Variants in PIAS1 observed in about 807,000 individuals in gnomAD.
PIAS1 encodes protein inhibitor of activated STAT 1.
A neutral mutation model predicts 71.3 loss-of-function variants in PIAS1; 6 were observed. The observed-to-expected ratio is 0.08, with a 90% CI of 0.05 to 0.17. The LOEUF (loss-of-function observed/expected upper bound fraction) is 0.17. PIAS1 is among the 10% of genes least tolerant of loss of function. PIAS1 has a pLI of 1.00. For missense variants in PIAS1, 555 were observed against 793.6 expected, an observed-to-expected ratio of 0.70 and a Z score of 3.61; for synonymous variants, 303 against 292.9, an observed-to-expected ratio of 1.03 and a Z score of -0.35.
At chr15:68,082,115 C>CTG (rs2092234855) in intron 1 of PIAS1, among the ~76,000 whole-genome samples, 1 of 152,150 alleles carries the variant, frequency 6.6e-6, no homozygotes, top group Non-Finnish European at 1.5e-5. Context: ...GCCCAGCACT[C>CTG]TGTACTGAGC....
At chr15:68,134,671 G>T (rs58112495) in intron 2 of PIAS1, among the ~76,000 whole-genome samples, 2 of 30,290 alleles carry the variant, frequency 6.6e-5, no homozygotes. Flanking sequence ...GCGGGGGGAT[G>T]ACCCCCCCAC....
chr15:68,164,314 GTTATTC>G (rs1464926343), intron 7 of PIAS1, among the ~76,000 whole-genome samples: 11 of 152,026 alleles, frequency 7.2e-5, no homozygotes, highest in South Asian at 2.1e-4. Flanking sequence ...ATGTATAAAT[GTTATTC>G]TTATTATTAA....
rs373670054 is a variant in PIAS1, at chr15:68,155,620, G to A, written c.934+1925G>A. On this transcript the variant is annotated intron_variant, in intron 7 of 13. Transcript: ENST00000249636. ...TAATAAAATAAGTACTTCTAGCAAAGTTTTAGTAGTCAAGCCAGACACTCT... is the reference window on the plus strand; with the variant it reads ...TAATAAAATAAGTACTTCTAGCAAAATTTTAGTAGTCAAGCCAGACACTCT... Among the ~76,000 whole-genome samples, 7 of 152,224 alleles carry A rather than the reference G, an allele frequency of 4.6e-5. No homozygotes were observed. The East Asian group carries it at 1.4e-3, about 29-fold the overall frequency.
At chr15:68,111,661 T>C (rs1347091633) in intron 2 of PIAS1, among the ~76,000 whole-genome samples, 1 of 152,158 alleles carries the variant, frequency 6.6e-6, no homozygotes, top group African/African-American at 2.4e-5. Flanking sequence ...AATAAATGCA[T>C]AGATAATATT....
At chr15:68,077,394 T>C (rs2092178896) in intron 1 of PIAS1, among the ~76,000 whole-genome samples, 1 of 152,094 alleles carries the variant, frequency 6.6e-6, no homozygotes, top group Admixed American at 6.6e-5. Flanking sequence ...TGGGAAGGGG[T>C]CTAGCTAGTT....
chr15:68,174,270 C>T lies in PIAS1; in HGVS notation c.1169+378C>T, dbSNP rs2093008651. On this transcript the variant is annotated intron_variant, in intron 9 of 13. Transcript: ENST00000249636. The surrounding 1 kb of genome is among the most constrained non-coding windows in gnomAD (Gnocchi z 4.0). ...GAAATTTGGGTTAACTCAGGTTCAT[C>T]CAAAATTGGGCTTTTCAATAGAAGT... 6.6e-6 allele frequency among the ~76,000 whole-genome samples: 1 copy of T among 152,160 alleles called. No homozygotes were observed. The highest frequency in any genetic ancestry group is 6.5e-5 in the Admixed American group (1 of 15,268).
At chr15:68,058,297 T>G (rs2091918487) in intron 1 of PIAS1, among the ~76,000 whole-genome samples, 1 of 152,260 alleles carries the variant, frequency 6.6e-6, no homozygotes, top group Admixed American at 6.5e-5. Context: ...AATGTTTGAA[T>G]AATAATATCT....
intron 1 of PIAS1, among the ~76,000 whole-genome samples, chr15:68,079,874 C>T (rs897890587): frequency 3.8e-4 from 57 of 151,756 alleles, no homozygotes; most frequent in African/African-American, 1.2e-3. Context: ...CTGTTGTTGC[C>T]CAGGCTGGAG....
At chr15:68,152,204 C>T (rs1419630390) in intron 6 of PIAS1, among the ~76,000 whole-genome samples, 1 of 151,988 alleles carries the variant, frequency 6.6e-6, no homozygotes. Flanking sequence ...CCACCTCAGC[C>T]TCCCAAAGTG....
At chr15:68,163,377 G>A (rs950130823) in intron 7 of PIAS1, among the ~76,000 whole-genome samples, 1 of 152,190 alleles carries the variant, frequency 6.6e-6, no homozygotes, top group African/African-American at 2.4e-5. Context: ...GACAGCCTGT[G>A]AAATATATTA....
chr15:68,059,709 C>CAAAAAAAAA (rs770069635), intron 1 of PIAS1, among the ~76,000 whole-genome samples: 3 of 76,478 alleles, frequency 3.9e-5, no homozygotes, highest in African/African-American at 5.1e-5. Flanking sequence ...CCGTCTCAAA[C>CAAAAAAAAA]AAAAAAAAAA....
chr15:68,093,743 G>C (rs2092351901), intron 2 of PIAS1, among the ~76,000 whole-genome samples: 1 of 152,120 alleles, frequency 6.6e-6, no homozygotes, highest in Admixed American at 6.5e-5. Context: ...TCATACAGTT[G>C]TATGTTTTCT....
chr15:68,124,289 G>A (rs1408103474), intron 2 of PIAS1, among the ~76,000 whole-genome samples: 3 of 152,032 alleles, frequency 2.0e-5, no homozygotes, highest in Admixed American at 1.3e-4. Context: ...ACAGTCAGAA[G>A]TTAGGAAGAT....
chr15:68,091,366 CAG>C (rs1169099456), intron 2 of PIAS1, among the ~76,000 whole-genome samples: 2 of 151,818 alleles, frequency 1.3e-5, no homozygotes, highest in African/African-American at 4.8e-5. Context: ...GGCAAAAACA[CAG>C]AATACTTTCA....
chr15:68,090,273 G>A (rs902615153), intron 2 of PIAS1, among the ~76,000 whole-genome samples: 1 of 151,864 alleles, frequency 6.6e-6, no homozygotes, highest in African/African-American at 2.4e-5. Flanking sequence ...CGAGATCTTG[G>A]TTTGCTGTGG....
At chr15:68,103,743 A>G (rs776074755) in intron 2 of PIAS1, among the ~76,000 whole-genome samples, 2 of 152,162 alleles carry the variant, frequency 1.3e-5, no homozygotes, top group African/African-American at 2.4e-5. Context: ...TTTCATTTAG[A>G]ATGATGTTTT....
At chr15:68,079,804 C>T (rs1338384658) in intron 1 of PIAS1, among the ~76,000 whole-genome samples, 1 of 151,372 alleles carries the variant, frequency 6.6e-6, no homozygotes, top group Non-Finnish European at 1.5e-5. Flanking sequence ...AAATATTGTA[C>T]TCCAATGTTA....
chr15:68,168,151 G>A (rs552825631), intron 8 of PIAS1, among the ~76,000 whole-genome samples: 27 of 152,104 alleles, frequency 1.8e-4, no homozygotes, highest in Middle Eastern at 3.4e-3. Flanking sequence ...TGGTATTACA[G>A]GCGCCTGTCA....
At chr15:68,165,513 A>G (rs2092952316) in intron 8 of PIAS1, among the ~76,000 whole-genome samples, 1 of 152,222 alleles carries the variant, frequency 6.6e-6, no homozygotes, top group African/African-American at 2.4e-5. Flanking sequence ...CAATGACCAC[A>G]TTATAACAAT....
Sources: gnomAD v4.1 joint callset for allele counts (sites outside exome capture counted in the v4.1 genomes callset) on GRCh38, gnomAD v4.1.1 for gene constraint, Gnocchi (gnomAD v3.1) non-coding constraint, MANE v1.5 for transcripts, NCBI Gene and HGNC (gene_info 2026-07-23, HGNC 2026-07-21) for gene names.